The following MTCH2 variants were observed in gnomAD, a reference collection of about 807,000 sequenced individuals.
MTCH2 encodes the protein mitochondrial carrier 2.
Under a neutral mutation model 50.6 loss-of-function variants are expected in MTCH2, and 25 were observed. That is an observed-to-expected ratio of 0.49 (90% CI 0.36 to 0.69). The LOEUF (loss-of-function observed/expected upper bound fraction) is 0.69, where lower values mean the gene tolerates loss of function less well. Among genes scored for constraint, MTCH2 ranks in the 30% least tolerant of loss-of-function variants. The probability of loss-of-function intolerance (pLI) is 0.00; values close to 1 mark genes in which losing one functional copy is unlikely to be tolerated. For missense variants in MTCH2, 273 were observed against 384.4 expected (o/e 0.71, Z 2.42); for synonymous variants, 106 against 132.0 (o/e 0.80, Z 1.35).
chr11:47,627,187 T>G, intron 9 of MTCH2, 60 bp from the exon 10 acceptor site: 1 of 1,250,380 alleles, frequency 8.0e-7, no homozygotes, highest in South Asian at 1.4e-5. Flanking sequence ...ATCAATATAT[T>G]CTTTTTTCCT....
intron 1 of MTCH2, among the ~76,000 whole-genome samples, chr11:47,641,594 T>A (rs1383238655): frequency 6.6e-6 from 1 of 152,232 alleles, no homozygotes; most frequent in Non-Finnish European, 1.5e-5. Flanking sequence ...AAACACTAAG[T>A]CTATCACTTA....
chr11:47,627,775 C>A (rs2097299437), intron 9 of MTCH2, among the ~76,000 whole-genome samples: 2 of 151,894 alleles, frequency 1.3e-5, no homozygotes, highest in African/African-American at 2.4e-5. Flanking sequence ...ACAGCATGAG[C>A]CACCACACCT....
At chr11:47,630,957 A>G in intron 7 of MTCH2, 79 bp downstream of exon 7, 1 of 1,166,896 alleles carries the variant, frequency 8.6e-7, no homozygotes, top group Non-Finnish European at 1.3e-6. Flanking sequence ...TAAGGGTATC[A>G]TAAAAATACA....
rs1042326178 is a variant in MTCH2 at position 47,640,398 on chromosome 11, A to G, written c.88-1347T>C. On this transcript the variant is annotated intron_variant, in intron 1 of 12. Coordinates refer to ENST00000302503, the MANE Select transcript of MTCH2 (RefSeq NM_014342.4). ...TCCCTGAAAGTGCTACCAAGTAACC[A>G]TTTTTATTTTTATTTAGTTACTTAT... is the stretch of plus-strand genomic sequence containing the variant. 1.2e-4 allele frequency among the ~76,000 whole-genome samples: 19 copies of G among 152,164 alleles called. 1 individual carries two copies. The highest frequency in any genetic ancestry group is 6.8e-3 in the Middle Eastern group (2 of 294).
At chr11:47,631,126 A>C (rs757723190) in intron 6 of MTCH2, 39 bp from the exon 7 acceptor site, 1 of 1,573,426 alleles carries the variant, frequency 6.4e-7, no homozygotes, top group East Asian at 2.2e-5. Flanking sequence ...AACTATGTTA[A>C]GGCCAGGTGC....
chr11:47,616,504 ATT>A (rs1043432954), downstream of MTCH2, among the ~76,000 whole-genome samples: 1 of 150,980 alleles, frequency 6.6e-6, no homozygotes, highest in Non-Finnish European at 1.5e-5. Flanking sequence ...TGCCCGACTA[ATT>A]TTTTTGTATT....
the MTCH2 span, among the ~76,000 whole-genome samples, chr11:47,604,615 G>A: frequency 6.6e-6 from 1 of 152,164 alleles, no homozygotes; most frequent in South Asian, 2.1e-4. Flanking sequence ...AGCATTGTTT[G>A]TAATAGCAAA....
At chr11:47,620,291 A>G (rs899735656) in intron 12 of MTCH2, among the ~76,000 whole-genome samples, 3 of 152,036 alleles carry the variant, frequency 2.0e-5, no homozygotes, top group African/African-American at 7.2e-5. Context: ...AATAAAATTA[A>G]AAAAAACAAA....
downstream of MTCH2, among the ~76,000 whole-genome samples, chr11:47,616,668 G>A (rs116654290): frequency 0.028 from 4,143 of 148,790 alleles, 192 homozygotes; most frequent in African/African-American, 0.097. Context: ...TCTTGCATGT[G>A]TTTCTTTTTT....
At chr11:47,636,591 G>C (rs2097308798) in intron 3 of MTCH2, among the ~76,000 whole-genome samples, 1 of 151,820 alleles carries the variant, frequency 6.6e-6, no homozygotes, top group African/African-American at 2.4e-5. Context: ...AATTAGCTGG[G>C]CGTGGTGGTA....
At chr11:47,635,436 T>C (rs1448921228) in intron 4 of MTCH2, 109 bp downstream of exon 4, 1 of 1,244,990 alleles carries the variant, frequency 8.0e-7, no homozygotes, top group African/African-American at 1.5e-5. Flanking sequence ...CAACACTCAC[T>C]GAGATGAATA....
chr11:47,621,025 CAG>C (rs746578651), intron 12 of MTCH2, among the ~76,000 whole-genome samples: 1 of 152,180 alleles, frequency 6.6e-6, no homozygotes, highest in Non-Finnish European at 1.5e-5. Flanking sequence ...CTTCCTATAA[CAG>C]AGTGTTAGTC....
intron 5 of MTCH2, 143 bp from the exon 6 acceptor site, chr11:47,631,854 TTGAA>T (rs2153799839): frequency 5.6e-6 from 4 of 714,396 alleles, no homozygotes; most frequent in South Asian, 5.3e-5. Flanking sequence ...CAAGAAGAGT[TTGAA>T]TGGGATGTGA....
intron 11 of MTCH2, among the ~76,000 whole-genome samples, chr11:47,623,417 A>G (rs1316012801): frequency 6.6e-6 from 1 of 151,976 alleles, no homozygotes; most frequent in African/African-American, 2.4e-5. Context: ...AAGGAGATTT[A>G]AAAACTAACT....
chr11:47,622,836 T>C (rs2097294553), intron 11 of MTCH2, 60 bp from the exon 12 acceptor site: 11 of 1,048,498 alleles, frequency 1.0e-5, no homozygotes, highest in Non-Finnish European at 1.5e-5. Context: ...CTTGAGACGT[T>C]GATAAACCTT....
Position 47,638,974 on chromosome 11 carries a change from A to T in MTCH2, c.165T>A (p.Phe55Leu), listed in dbSNP as rs1199788080. 1 of 1,613,046 alleles carries T rather than the reference A, an allele frequency of 6.2e-7. No individual in the cohort carries two copies. Among genetic ancestry groups the T allele is most frequent in the Non-Finnish European group, 8.5e-7 (1 of 1,179,304 alleles). Reference protein sequence around the residue: ...GRQVCQLPGLFSYAQHIASID... With the variant: ...GRQVCQLPGLLSYAQHIASID... ...TAAATCAAAGGCACTTACCATAACT[A>T]AAGAGACCAGGAAGCTGACACACTT... Residue 55 changes from phenylalanine (F) to leucine (L), a missense_variant, in exon 2 of 13, where the codon TTT becomes TTA. This residue lies in a region of MTCH2 where 203 missense variants were observed against 244.3 expected (regional missense o/e 0.83). Coordinates refer to ENST00000302503, the MANE Select transcript of MTCH2 (RefSeq NM_014342.4).
At chr11:47,620,105 A>C (rs1565961754) in intron 12 of MTCH2, among the ~76,000 whole-genome samples, 2 of 151,740 alleles carry the variant, frequency 1.3e-5, no homozygotes, top group South Asian at 2.1e-4. Context: ...CAAAACAAAA[A>C]AACAAACAAA....
Position 47,617,437 on chromosome 11 carries a change from T to A in MTCH2, c.*1396A>T, listed in dbSNP as rs2097289175. On this transcript the variant is annotated 3_prime_UTR_variant, in exon 13 of 13. Coordinates refer to ENST00000302503, the MANE Select transcript of MTCH2 (RefSeq NM_014342.4). ...AAATAGTATATAAAATTGACATTAC[T>A]TTTTGAGACAAAGGAAGAGACATCA... The A allele has an allele frequency of 6.6e-6, 1 of 152,310 alleles. No individual in the cohort carries two copies. The highest frequency in any genetic ancestry group is 1.5e-5 in the Non-Finnish European group (1 of 68,046). 9.4% of individuals were successfully genotyped at this position (152,310 alleles called of 1,614,324 possible).
At chr11:47,616,501 C>T (rs1195354584), downstream of MTCH2, among the ~76,000 whole-genome samples, 1 of 151,770 alleles carries the variant, frequency 6.6e-6, no homozygotes, top group African/African-American at 2.4e-5. Context: ...CCATGCCCGA[C>T]TAATTTTTTT....
Sources: gnomAD v4.1 joint callset for allele counts (sites outside exome capture counted in the v4.1 genomes callset) on GRCh38, gnomAD v4.1.1 for gene constraint, gnomAD v4.1.1 regional missense constraint, MANE v1.5 for transcripts, NCBI Gene and HGNC (gene_info 2026-07-23, HGNC 2026-07-21) for gene names.